UPF1: variants seen among roughly 807,000 people sequenced by gnomAD.
UPF1 encodes regulator of nonsense transcripts 1.
A neutral mutation model predicts 129.2 loss-of-function variants in UPF1; 9 were observed. The ratio of observed to expected loss-of-function variants is 0.07; its 90% CI spans 0.04 to 0.12. The LOEUF (loss-of-function observed/expected upper bound fraction) is 0.12. UPF1 is among the 10% of genes least tolerant of loss of function. The pLI, the probability that UPF1 is intolerant of heterozygous loss-of-function variation, is 1.00. For synonymous variants in UPF1, 649 were observed against 644.9 expected (o/e 1.01, Z -0.10); for missense variants, 788 against 1,525.3 (o/e 0.52, Z 8.05).
In UPF1 at chr19:18,832,931, G is replaced by A. The variant is rs989778067; in HGVS notation, c.231+491G>A. Among the ~76,000 whole-genome samples, 8 of 152,118 alleles carry A rather than the reference G, an allele frequency of 5.3e-5. 1 individual carries two copies. Among genetic ancestry groups the A allele is most frequent in the Admixed American group, 1.3e-4 (2 of 15,278 alleles). On this transcript the variant is annotated intron_variant, in intron 1 of 23. Coordinates refer to ENST00000262803, the MANE Select transcript of UPF1 (RefSeq NM_002911.4). This position sits in a 1 kb window ranked among gnomAD's most constrained non-coding sequence, Gnocchi z 5.6. ...CCTGGTCCCTCTTTCGCAGGTCTCG[G>A]TATTCTGCCTCGAGTTCTCCTACGA...
chr19:18,850,573 T>C lies in UPF1; in HGVS notation c.630-115T>C. On this transcript the variant is annotated intron_variant, in intron 4 of 23. Transcript: ENST00000262803. The surrounding 1 kb of genome is among the most constrained non-coding windows in gnomAD (Gnocchi z 7.1). ...ACAGTTTGAAGGTAATGTGATCACA[T>C]AATAAAATGCAGGGCATGCCCCTTT... 1 of 1,196,480 alleles carries C rather than the reference T, an allele frequency of 8.4e-7. No individual in the cohort carries two copies. Among genetic ancestry groups the C allele is most frequent in the Non-Finnish European group, 1.1e-6 (1 of 887,636 alleles). The allele number at this position is 1,196,480 out of a possible 1,614,324, so 74.1% of individuals were successfully genotyped here. A position where few individuals can be genotyped will look rare whatever the true frequency, so the allele number is the denominator to read the frequency against.
intron 1 of UPF1, among the ~76,000 whole-genome samples, chr19:18,841,973 T>C (rs1252416456): frequency 6.6e-6 from 1 of 152,188 alleles, no homozygotes; most frequent in African/African-American, 2.4e-5. Flanking sequence ...TGCACACCTG[T>C]AGTCTCAGCT....
chr19:18,835,876 AC>A (rs2145929905), intron 1 of UPF1, among the ~76,000 whole-genome samples: 1 of 152,230 alleles, frequency 6.6e-6, no homozygotes, highest in South Asian at 2.1e-4. Flanking sequence ...TAACTGCAAG[AC>A]TGTTTTCCAG....
In UPF1 at chr19:18,864,186, C is replaced by T. The variant is rs1247215581; in HGVS notation, c.2792C>T (p.Thr931Ile). Reference sequence around the variant, plus strand: ...CCTTCGCAGGGAGCCCGCTTCATGACCACAGCCATGTATGATGCCCGGGAG... The same window carrying T: ...CCTTCGCAGGGAGCCCGCTTCATGATCACAGCCATGTATGATGCCCGGGAG... Reference protein sequence around the residue: ...NTINPGARFMTTAMYDAREAI... With the variant: ...NTINPGARFMITAMYDAREAI... Residue 931 changes from threonine (T) to isoleucine (I), a missense_variant, in exon 20 of 24, where the codon ACC becomes ATC. Physicochemically the swap from Thr to Ile is moderately conservative, Grantham distance 89 (BLOSUM62 -1). This residue lies in a region of UPF1 where 218 missense variants were observed against 318.1 expected (regional missense o/e 0.69). Transcript: ENST00000262803. The T allele has an allele frequency of 6.2e-7, 1 of 1,613,996 alleles. No homozygotes were observed. The highest frequency in any genetic ancestry group is 1.1e-5 in the South Asian group (1 of 91,076).
At chr19:18,858,491 A>T (rs1368227238) in intron 15 of UPF1, among the ~76,000 whole-genome samples, 1 of 152,070 alleles carries the variant, frequency 6.6e-6, no homozygotes, top group East Asian at 1.9e-4. Flanking sequence ...ACGAAGTCAC[A>T]TGGGGATGGA....
chr19:18,858,253 G>A (rs2055740026), intron 15 of UPF1, among the ~76,000 whole-genome samples: 1 of 152,228 alleles, frequency 6.6e-6, no homozygotes, highest in African/African-American at 2.4e-5. Flanking sequence ...TGGAGAACTA[G>A]TGGCAACATC....
intron 1 of UPF1, among the ~76,000 whole-genome samples, chr19:18,837,246 C>T (rs556620845): frequency 2.8e-4 from 42 of 152,256 alleles, no homozygotes; most frequent in East Asian, 9.6e-4. Flanking sequence ...TGTGCCACCA[C>T]GTCTGGCTGA....
chr19:18,855,847 C>T (rs2055711186), intron 11 of UPF1, 78 bp from the exon 12 acceptor site: 5 of 1,545,266 alleles, frequency 3.2e-6, no homozygotes, highest in Middle Eastern at 1.7e-4. Context: ...GACCCTGTCT[C>T]AAAAAACAGA....
chr19:18,845,095 A>G (rs2055583437), intron 1 of UPF1, among the ~76,000 whole-genome samples: 1 of 152,202 alleles, frequency 6.6e-6, no homozygotes, highest in Non-Finnish European at 1.5e-5. Flanking sequence ...CATTAGGCCG[A>G]GGGGCTGTCT....
At chr19:18,834,149 C>G (rs761916911) in intron 1 of UPF1, among the ~76,000 whole-genome samples, 2 of 152,082 alleles carry the variant, frequency 1.3e-5, no homozygotes, top group African/African-American at 4.8e-5. Flanking sequence ...GATTTTTATT[C>G]CTTTTAAACA....
chr19:18,866,221 G>C, intron 23 of UPF1, 55 bp downstream of exon 23: 1 of 1,504,812 alleles, frequency 6.6e-7, no homozygotes, highest in Non-Finnish European at 8.9e-7. Context: ...AGAAGGATGG[G>C]AGGGGGCTCT....
chr19:18,856,707 G>C (rs1486854789), intron 13 of UPF1, among the ~76,000 whole-genome samples, 170 bp from the exon 14 acceptor site: 3 of 152,194 alleles, frequency 2.0e-5, no homozygotes, highest in African/African-American at 7.2e-5. Flanking sequence ...TTAAAAGTTT[G>C]TAATCACCAC....
chr19:18,834,449 A>G (rs879370620), intron 1 of UPF1, among the ~76,000 whole-genome samples: 34 of 152,260 alleles, frequency 2.2e-4, no homozygotes, highest in Non-Finnish European at 4.7e-4. Context: ...AGTTGAAACA[A>G]TTGATTTTTT....
In UPF1 at chr19:18,853,437, A is replaced by G; in HGVS notation, c.1156+87A>G. 7.7e-7 allele frequency: 1 copy of G among 1,291,834 alleles called. No individual in the cohort carries two copies. The highest frequency in any genetic ancestry group is 2.5e-5 in the Admixed American group (1 of 39,682). The allele number at this position is 1,291,834 out of a possible 1,614,324, so 80.0% of individuals were successfully genotyped here. A position where few individuals can be genotyped will look rare whatever the true frequency, so the allele number is the denominator to read the frequency against. ...GGAGGCCACTGTGGATTTGATGCTCACTGCTGGGCCAGCATCTCATGCTCT... is the reference window on the plus strand; with the variant it reads ...GGAGGCCACTGTGGATTTGATGCTCGCTGCTGGGCCAGCATCTCATGCTCT... On this transcript the variant is annotated intron_variant, in intron 8 of 23. Coordinates refer to ENST00000262803, the MANE Select transcript of UPF1 (RefSeq NM_002911.4). The surrounding 1 kb of genome is among the most constrained non-coding windows in gnomAD (Gnocchi z 4.4).
At chr19:18,845,880 A>T in intron 1 of UPF1, 100 bp from the exon 2 acceptor site, 1 of 1,471,836 alleles carries the variant, frequency 6.8e-7, no homozygotes, top group Non-Finnish European at 9.0e-7. Context: ...CAAAGCAGAG[A>T]TGAGGCCAGG....
intron 2 of UPF1, 110 bp downstream of exon 2, chr19:18,846,229 T>C (rs2055597016): frequency 6.7e-7 from 1 of 1,492,948 alleles, no homozygotes; most frequent in African/African-American, 1.4e-5. Flanking sequence ...GTGCTGTGAC[T>C]CTGGGTGGCG....
intron 20 of UPF1, among the ~76,000 whole-genome samples, chr19:18,864,667 T>C (rs1449456146): frequency 6.6e-6 from 1 of 151,572 alleles, no homozygotes; most frequent in African/African-American, 2.4e-5. Context: ...AAGCAGTCCT[T>C]CTGCTCAGCC....
chr19:18,834,657 C>T (rs377274089), intron 1 of UPF1, among the ~76,000 whole-genome samples: 4 of 152,258 alleles, frequency 2.6e-5, no homozygotes, highest in African/African-American at 9.6e-5. Flanking sequence ...GAGTGGTACC[C>T]CTTTGCATCA....
chr19:18,838,544 A>G (rs2055507074), intron 1 of UPF1, among the ~76,000 whole-genome samples: 1 of 152,122 alleles, frequency 6.6e-6, no homozygotes, highest in Admixed American at 6.5e-5. Context: ...GTTACTTGGG[A>G]GGCTGAGGCA....
Sources: allele counts gnomAD v4.1 joint callset (sites outside exome capture counted in the v4.1 genomes callset), GRCh38; gene constraint gnomAD v4.1.1; regional missense constraint gnomAD v4.1.1; non-coding constraint Gnocchi (gnomAD v3.1); transcripts MANE v1.5; gene names NCBI Gene and HGNC (gene_info 2026-07-23, HGNC 2026-07-21).